PPARGC1A: variants seen among roughly 807,000 people sequenced by gnomAD.
PPARGC1A encodes PPARG coactivator 1 alpha, also known as peroxisome proliferator-activated receptor gamma coactivator 1-alpha.
In PPARGC1A, 25 loss-of-function variants were observed where a neutral mutation model predicts 88.7. The ratio of observed to expected loss-of-function variants is 0.28; its 90% CI spans 0.21 to 0.39. PPARGC1A has a LOEUF of 0.39. Among genes scored for constraint, PPARGC1A ranks in the 10% least tolerant of loss-of-function variants. PPARGC1A has a pLI of 1.00. For synonymous variants in PPARGC1A, 363 were observed against 355.6 expected, an observed-to-expected ratio of 1.02 and a Z score of -0.24; for missense variants, 880 against 968.7, an observed-to-expected ratio of 0.91 and a Z score of 1.22.
intron 7 of PPARGC1A, among the ~76,000 whole-genome samples, chr4:23,822,843 A>G (rs1261166826): frequency 6.6e-6 from 1 of 152,070 alleles, no homozygotes; most frequent in Admixed American, 6.6e-5. Context: ...CTTCTGTTAC[A>G]TAAATGCAAT....
At chr4:24,032,446 C>T in the PPARGC1A span, among the ~76,000 whole-genome samples, 1 of 152,186 alleles carries the variant, frequency 6.6e-6, no homozygotes, top group East Asian at 1.9e-4. Flanking sequence ...CAGCTCCCAG[C>T]TGACCACTGA....
At chr4:23,913,539 A>G in the PPARGC1A span, among the ~76,000 whole-genome samples, 6 of 152,152 alleles carry the variant, frequency 3.9e-5, no homozygotes, top group Non-Finnish European at 7.4e-5. Flanking sequence ...GTAACTTTCA[A>G]TGTGATTTCA....
the PPARGC1A span, among the ~76,000 whole-genome samples, chr4:23,967,572 A>C: frequency 6.6e-6 from 1 of 152,130 alleles, no homozygotes; most frequent in South Asian, 2.1e-4. Flanking sequence ...ATTTCCCATT[A>C]GTGTGTATAG....
chr4:24,471,934 G>A, the PPARGC1A span, among the ~76,000 whole-genome samples: 1 of 152,320 alleles, frequency 6.6e-6, no homozygotes, highest in African/African-American at 2.4e-5. This position sits in a 1 kb window ranked among gnomAD's most constrained non-coding sequence, Gnocchi z 5.4. Flanking sequence ...GGGACAGCAC[G>A]TCGCGGGGGG....
At chr4:23,832,660 A>G (rs1725249862) in intron 2 of PPARGC1A, among the ~76,000 whole-genome samples, 1 of 144,126 alleles carries the variant, frequency 6.9e-6, no homozygotes, top group South Asian at 2.2e-4. Context: ...CCCAGACTGG[A>G]GTGCAGTGGC....
the PPARGC1A span, among the ~76,000 whole-genome samples, chr4:24,279,918 T>C: frequency 1.3e-5 from 2 of 152,202 alleles, no homozygotes; most frequent in Admixed American, 6.5e-5. Flanking sequence ...TTAAGCATTC[T>C]AGAAAACAGC....
rs1717207111 is a variant in PPARGC1A, at chr4:23,794,766, T to C, written c.*1056A>G. 1 of 152,526 alleles carries C rather than the reference T, an allele frequency of 6.6e-6. No individual in the cohort carries two copies. The highest frequency in any genetic ancestry group is 1.5e-5 in the Non-Finnish European group (1 of 68,018). 9.4% of individuals were successfully genotyped at this position (152,526 alleles called of 1,614,324 possible). A position where few individuals can be genotyped will look rare whatever the true frequency, so the allele number is the denominator to read the frequency against. On this transcript the variant is annotated 3_prime_UTR_variant, in exon 13 of 13. Transcript: ENST00000264867. ...AAATACTTAACTACATCAGAGAATGTAGCAATTACACTATCTGAACACATC... is the reference window on the plus strand; with the variant it reads ...AAATACTTAACTACATCAGAGAATGCAGCAATTACACTATCTGAACACATC...
At chr4:24,449,320 T>C in the PPARGC1A span, among the ~76,000 whole-genome samples, 4 of 152,226 alleles carry the variant, frequency 2.6e-5, no homozygotes, top group Non-Finnish European at 4.4e-5. Context: ...CAAACCCTGC[T>C]GCCTCAGTGT....
the PPARGC1A span, among the ~76,000 whole-genome samples, chr4:24,118,577 C>T: frequency 7.9e-5 from 12 of 152,140 alleles, no homozygotes; most frequent in African/African-American, 2.9e-4. Context: ...TCGGTTTTAA[C>T]ATTTTAGTAA....
chr4:24,141,179 A>G, the PPARGC1A span, among the ~76,000 whole-genome samples: 1 of 152,214 alleles, frequency 6.6e-6, no homozygotes, highest in Non-Finnish European at 1.5e-5. Flanking sequence ...AGGAACTTCA[A>G]TATAACTAAG....
the PPARGC1A span, among the ~76,000 whole-genome samples, chr4:24,361,108 CAAG>C: frequency 6.6e-6 from 1 of 151,980 alleles, no homozygotes; most frequent in Non-Finnish European, 1.5e-5. Flanking sequence ...GTGGCTGGGA[CAAG>C]AAGGAACTGC....
At chr4:24,298,497 G>A in the PPARGC1A span, among the ~76,000 whole-genome samples, 1 of 152,040 alleles carries the variant, frequency 6.6e-6, no homozygotes, top group Non-Finnish European at 1.5e-5. Flanking sequence ...TAAATATTGG[G>A]CACCATTCTT....
At chr4:24,029,659 C>T in the PPARGC1A span, among the ~76,000 whole-genome samples, 53 of 152,108 alleles carry the variant, frequency 3.5e-4, no homozygotes, top group Non-Finnish European at 2.1e-4. Flanking sequence ...CTTTGCAAAA[C>T]AGGTAGTACA....
At chr4:24,039,854 C>T in the PPARGC1A span, among the ~76,000 whole-genome samples, 1 of 152,152 alleles carries the variant, frequency 6.6e-6, no homozygotes, top group Non-Finnish European at 1.5e-5. Context: ...GCCACCACCA[C>T]CACCACCATC....
chr4:23,828,745 T>G, intron 4 of PPARGC1A, 141 bp from the exon 5 acceptor site: 1 of 713,670 alleles, frequency 1.4e-6, no homozygotes, highest in Non-Finnish European at 2.3e-6. Flanking sequence ...AATAACTGTT[T>G]GCAGAACAAG....
chr4:23,821,583 T>A (rs1227046225), intron 7 of PPARGC1A, among the ~76,000 whole-genome samples: 1 of 151,954 alleles, frequency 6.6e-6, no homozygotes, highest in African/African-American at 2.4e-5. Flanking sequence ...CAGTCAAAAG[T>A]TGGAAAGATA....
the PPARGC1A span, among the ~76,000 whole-genome samples, chr4:24,038,323 A>G: frequency 1.3e-5 from 2 of 152,200 alleles, no homozygotes; most frequent in Non-Finnish European, 2.9e-5. Context: ...AAGGGACTCA[A>G]CTAACAGAGA....
chr4:24,408,356 G>GAA, the PPARGC1A span, among the ~76,000 whole-genome samples: 2 of 132,260 alleles, frequency 1.5e-5, no homozygotes, highest in African/African-American at 5.5e-5. Flanking sequence ...ATACTGCTTT[G>GAA]AAAAAAAAAA....
intron 1 of PPARGC1A, among the ~76,000 whole-genome samples, chr4:23,889,661 T>A (rs970980469): frequency 2.0e-5 from 3 of 151,848 alleles, no homozygotes; most frequent in African/African-American, 4.8e-5. Flanking sequence ...ATGGAAAGAG[T>A]TTCTAACTGC....
Sources: gnomAD v4.1 joint callset for allele counts (sites outside exome capture counted in the v4.1 genomes callset) on GRCh38, gnomAD v4.1.1 for gene constraint, Gnocchi (gnomAD v3.1) non-coding constraint, MANE v1.5 for transcripts, NCBI Gene and HGNC (gene_info 2026-07-23, HGNC 2026-07-21) for gene names.